The following DCP2 variants were observed in gnomAD, a reference collection of about 807,000 sequenced individuals.
The protein encoded by DCP2 is decapping mRNA 2.
DCP2 carries 30 observed loss-of-function variants against 56.1 expected under a neutral mutation model. The ratio of observed to expected loss-of-function variants is 0.53; its 90% CI spans 0.40 to 0.73. The LOEUF (loss-of-function observed/expected upper bound fraction) is 0.73. DCP2 is among the 30% of genes least tolerant of loss of function. The pLI, the probability that DCP2 is intolerant of heterozygous loss-of-function variation, is 0.00. For synonymous variants in DCP2, 197 were observed against 163.3 expected (o/e 1.21, Z -1.57); for missense variants, 533 against 502.7 (o/e 1.06, Z -0.58).
chr5:113,006,114 C>T (rs1246633131), intron 8 of DCP2, among the ~76,000 whole-genome samples: 1 of 130,798 alleles, frequency 7.6e-6, no homozygotes, highest in African/African-American at 3.2e-5. Context: ...GGGACCCTAT[C>T]TCCAAAAAAA....
rs1428597546 is a variant in DCP2 at position 113,019,343 on chromosome 5, C to T, written c.*5859C>T. On this transcript the variant is annotated 3_prime_UTR_variant, in exon 11 of 11. Transcript: ENST00000389063. Reference sequence around the variant, plus strand: ...TGCTTTTGGAATATATAACAGTAGACTTGTATTCTTTATGCACTATACATA... The same window carrying T: ...TGCTTTTGGAATATATAACAGTAGATTTGTATTCTTTATGCACTATACATA... 1.3e-5 allele frequency: 2 copies of T among 152,184 alleles called. No individual in the cohort carries two copies. The highest frequency in any genetic ancestry group is 4.8e-5 in the African/African-American group (2 of 41,444). The allele number at this position is 152,184 out of a possible 1,614,324, so 9.4% of individuals were successfully genotyped here. A position where few individuals can be genotyped will look rare whatever the true frequency, so the allele number is the denominator to read the frequency against.
chr5:112,994,168 T>C (rs1434678147), intron 4 of DCP2, among the ~76,000 whole-genome samples: 4 of 143,450 alleles, frequency 2.8e-5, no homozygotes, highest in African/African-American at 5.2e-5. Flanking sequence ...TCTTTCTTTT[T>C]TTTTTTTTTT....
intron 4 of DCP2, among the ~76,000 whole-genome samples, chr5:112,996,897 A>G (rs1260686628): frequency 1.3e-5 from 2 of 152,214 alleles, no homozygotes; most frequent in Non-Finnish European, 2.9e-5. Flanking sequence ...GAATTATGCA[A>G]CATTTTATTC....
intron 2 of DCP2, among the ~76,000 whole-genome samples, chr5:112,987,793 CT>C (rs796648691): frequency 8.1e-5 from 12 of 148,674 alleles, no homozygotes; most frequent in East Asian, 2.0e-4. Flanking sequence ...TTCCATAGGT[CT>C]TTTTTTTTTC....
At chr5:112,996,670 A>G (rs1168598768) in intron 4 of DCP2, among the ~76,000 whole-genome samples, 2 of 152,194 alleles carry the variant, frequency 1.3e-5, no homozygotes, top group Non-Finnish European at 2.9e-5. Flanking sequence ...GGTGTAAGTA[A>G]TTATCAATAG....
chr5:113,013,008 A>G (rs574449551), intron 10 of DCP2, among the ~76,000 whole-genome samples: 1 of 152,342 alleles, frequency 6.6e-6, no homozygotes, highest in South Asian at 2.1e-4. Flanking sequence ...TTTCTGTAAC[A>G]GAATGCACAT....
rs1750020441 is a variant in DCP2 at position 113,019,491 on chromosome 5, CA to C, written c.*6009del. On this transcript the variant is annotated 3_prime_UTR_variant, in exon 11 of 11. Transcript: ENST00000389063. Reference sequence around the variant, plus strand: ...TTTAGGTTTGTGTTAGGATGTTGCACAAGTAATCATTTAATGTTAAATGCAA... The same window carrying C: ...TTTAGGTTTGTGTTAGGATGTTGCACAGTAATCATTTAATGTTAAATGCAA... The C allele has an allele frequency of 2.0e-5, 3 of 152,096 alleles. No homozygotes were observed. The allele number at this position is 152,096 out of a possible 1,614,324, so 9.4% of individuals were successfully genotyped here.
intron 4 of DCP2, among the ~76,000 whole-genome samples, chr5:112,993,387 G>T (rs1280052371): frequency 6.6e-6 from 1 of 151,958 alleles, no homozygotes; most frequent in Non-Finnish European, 1.5e-5. Context: ...GAATATGGGA[G>T]GCCGAGTCAG....
intron 2 of DCP2, 48 bp from the exon 3 acceptor site, chr5:112,992,073 C>T: frequency 6.3e-7 from 1 of 1,599,978 alleles, no homozygotes; most frequent in Non-Finnish European, 8.5e-7. Flanking sequence ...TATATAATTT[C>T]TCAAGCCATA....
At chr5:113,004,892 C>T (rs903004765) in intron 8 of DCP2, among the ~76,000 whole-genome samples, 16 of 150,738 alleles carry the variant, frequency 1.1e-4, no homozygotes, top group Middle Eastern at 3.4e-3. Context: ...CTTTGGGAGG[C>T]GAGGCGGGTG....
intron 2 of DCP2, among the ~76,000 whole-genome samples, chr5:112,991,551 G>T (rs975713732): frequency 6.6e-6 from 1 of 152,052 alleles, no homozygotes; most frequent in African/African-American, 2.4e-5. Flanking sequence ...CTTCATTATG[G>T]AAACAATATA....
At position 113,014,463 on chromosome 5, in the gene DCP2, C is replaced by T. The variant is rs1443319232; in HGVS notation, c.*979C>T. On this transcript the variant is annotated 3_prime_UTR_variant, in exon 11 of 11. Coordinates refer to ENST00000389063, the MANE Select transcript of DCP2 (RefSeq NM_152624.6). ...ATGCTTTTATTGACCTGCTAAGCCCCTGGATGATGGAGCGAGAAGGGAAGG... is the reference window on the plus strand; with the variant it reads ...ATGCTTTTATTGACCTGCTAAGCCCTTGGATGATGGAGCGAGAAGGGAAGG... The T allele has an allele frequency of 6.6e-6, 1 of 152,492 alleles. No individual in the cohort carries two copies. Among genetic ancestry groups the T allele is most frequent in the Non-Finnish European group, 1.5e-5 (1 of 68,044 alleles). 9.4% of individuals were successfully genotyped at this position (152,492 alleles called of 1,614,324 possible). A position where few individuals can be genotyped will look rare whatever the true frequency, so the allele number is the denominator to read the frequency against.
intron 2 of DCP2, among the ~76,000 whole-genome samples, chr5:112,989,922 A>G (rs1193842505): frequency 5.1e-5 from 7 of 136,994 alleles, no homozygotes; most frequent in Admixed American, 3.4e-4. Flanking sequence ...AGGAGGTAAG[A>G]TTGGTGATGA....
At chr5:113,000,878 C>A (rs1334569171) in intron 4 of DCP2, among the ~76,000 whole-genome samples, 1 of 152,180 alleles carries the variant, frequency 6.6e-6, no homozygotes, top group Admixed American at 6.5e-5. Context: ...ATATACCATA[C>A]CACCTGTGGA....
chr5:112,982,294 A>C (rs1178342332), intron 1 of DCP2, among the ~76,000 whole-genome samples: 2 of 151,382 alleles, frequency 1.3e-5, no homozygotes, highest in Non-Finnish European at 1.5e-5. Context: ...TTTAGACTGC[A>C]CTCTTGGGGA....
At chr5:113,004,496 C>T (rs1749322034) in intron 8 of DCP2, among the ~76,000 whole-genome samples, 2 of 152,152 alleles carry the variant, frequency 1.3e-5, no homozygotes, top group Admixed American at 6.5e-5. Context: ...TCCACATGTT[C>T]TAAGCACCAC....
intron 10 of DCP2, 24 bp downstream of exon 10, chr5:113,010,831 T>C: frequency 3.1e-6 from 5 of 1,594,090 alleles, no homozygotes; most frequent in Non-Finnish European, 4.3e-6. Context: ...TATCTTTTTA[T>C]AATCTCTGCC....
At position 113,014,394 on chromosome 5, in the gene DCP2, G is replaced by A. The variant is rs1469753098; in HGVS notation, c.*910G>A. 2.0e-5 allele frequency: 3 copies of A among 152,326 alleles called. No individual in the cohort carries two copies. The highest frequency in any genetic ancestry group is 7.2e-5 in the African/African-American group (3 of 41,556). 9.4% of individuals were successfully genotyped at this position (152,326 alleles called of 1,614,324 possible). On this transcript the variant is annotated 3_prime_UTR_variant, in exon 11 of 11. Transcript: ENST00000389063. Reference sequence around the variant, plus strand: ...TCTCCAGTATTGATCTTTGGAAACTGATGTTACATTAGGTTCCAATTCGCA... The same window carrying A: ...TCTCCAGTATTGATCTTTGGAAACTAATGTTACATTAGGTTCCAATTCGCA...
At chr5:113,001,966 T>C (rs529521827) in intron 7 of DCP2, among the ~76,000 whole-genome samples, 1 of 152,360 alleles carries the variant, frequency 6.6e-6, no homozygotes, top group South Asian at 2.1e-4. Context: ...TCGTGTGTTC[T>C]TAGTGTTACT....
Sources: gnomAD v4.1 joint callset for allele counts (sites outside exome capture counted in the v4.1 genomes callset) on GRCh38, gnomAD v4.1.1 for gene constraint, MANE v1.5 for transcripts, NCBI Gene and HGNC (gene_info 2026-07-23, HGNC 2026-07-21) for gene names.